Variants in CSNK1G1 observed in about 807,000 individuals in gnomAD.
CSNK1G1 encodes the protein casein kinase 1 gamma 1.
Under a neutral mutation model 59.6 loss-of-function variants are expected in CSNK1G1, and 22 were observed. The ratio of observed to expected loss-of-function variants is 0.37; its 90% CI spans 0.26 to 0.53. The LOEUF is 0.53. CSNK1G1 is among the 20% of genes least tolerant of loss of function. The pLI is 0.89. For synonymous variants in CSNK1G1, 179 were observed against 177.1 expected, an observed-to-expected ratio of 1.01 and a Z score of -0.08; for missense variants, 384 against 519.5, an observed-to-expected ratio of 0.74 and a Z score of 2.54.
At chr15:64,209,814 A>G (rs1193056999) in intron 6 of CSNK1G1, among the ~76,000 whole-genome samples, 1 of 152,162 alleles carries the variant, frequency 6.6e-6, no homozygotes, top group Admixed American at 6.6e-5. Context: ...ACACCTACTC[A>G]TTGCCTCTCC....
At chr15:64,197,544 C>G (rs1362642970) in intron 10 of CSNK1G1, among the ~76,000 whole-genome samples, 1 of 152,236 alleles carries the variant, frequency 6.6e-6, no homozygotes, top group African/African-American at 2.4e-5. Context: ...CTCCCTTAAT[C>G]CTGACATTCA....
At chr15:64,336,820 T>C (rs1246263454) in intron 1 of CSNK1G1, among the ~76,000 whole-genome samples, 1 of 152,158 alleles carries the variant, frequency 6.6e-6, no homozygotes, top group East Asian at 1.9e-4. Flanking sequence ...ACTAGTGAGA[T>C]TTACATTACA....
At chr15:64,261,040 A>G (rs1892661503) in intron 2 of CSNK1G1, among the ~76,000 whole-genome samples, 1 of 152,168 alleles carries the variant, frequency 6.6e-6, no homozygotes, top group Non-Finnish European at 1.5e-5. Context: ...TCATATATAT[A>G]GTGTTTGCAT....
chr15:64,190,127 T>G (rs1331032821), intron 10 of CSNK1G1, among the ~76,000 whole-genome samples: 1 of 151,934 alleles, frequency 6.6e-6, no homozygotes, highest in African/African-American at 2.4e-5. Flanking sequence ...GCCAATTTAC[T>G]CCTTTTTATT....
Position 64,169,435 on chromosome 15 carries a change from G to C in CSNK1G1, c.*2496C>G, listed in dbSNP as rs1567352073. The C allele has an allele frequency of 1.3e-5, 2 of 152,382 alleles. No homozygotes were observed. The highest frequency in any genetic ancestry group is 4.8e-5 in the African/African-American group (2 of 41,552). 9.4% of individuals were successfully genotyped at this position (152,382 alleles called of 1,614,324 possible). On this transcript the variant is annotated 3_prime_UTR_variant, in exon 12 of 12. Transcript: ENST00000303052. Reference sequence around the variant, plus strand: ...TTTTGTAGAGACGGGGTTTCACCATGTTGGCCAGGCTGGTCTCGAACTCTT... The same window carrying C: ...TTTTGTAGAGACGGGGTTTCACCATCTTGGCCAGGCTGGTCTCGAACTCTT...
chr15:64,226,307 C>T (rs1012104891), intron 4 of CSNK1G1, among the ~76,000 whole-genome samples: 2 of 152,138 alleles, frequency 1.3e-5, no homozygotes, highest in East Asian at 1.9e-4. Context: ...CGCCTGTAAT[C>T]CCAGCACTTT....
intron 2 of CSNK1G1, among the ~76,000 whole-genome samples, chr15:64,281,429 G>GCA (rs1894125998): frequency 3.9e-5 from 6 of 152,058 alleles, no homozygotes; most frequent in Admixed American, 3.9e-4. Flanking sequence ...AACATAGTGA[G>GCA]ACTCCATCTC....
At chr15:64,327,648 C>A (rs1259007170) in intron 1 of CSNK1G1, among the ~76,000 whole-genome samples, 1 of 151,794 alleles carries the variant, frequency 6.6e-6, no homozygotes, top group African/African-American at 2.4e-5. Flanking sequence ...CAGTTCCTCA[C>A]CAGCAACGGA....
chr15:64,180,272 G>A (rs2140209490), intron 11 of CSNK1G1, 76 bp downstream of exon 11: 1 of 1,049,860 alleles, frequency 9.5e-7, no homozygotes, highest in Non-Finnish European at 1.5e-6. Flanking sequence ...TCTGAGACGA[G>A]CAGCACACAG....
intron 2 of CSNK1G1, among the ~76,000 whole-genome samples, chr15:64,283,974 T>G (rs1480286834): frequency 6.6e-6 from 1 of 152,224 alleles, no homozygotes; most frequent in East Asian, 1.9e-4. Flanking sequence ...TTTTGACTCT[T>G]ACATTTAGTC....
chr15:64,312,957 A>G (rs1896074172), intron 1 of CSNK1G1, among the ~76,000 whole-genome samples: 1 of 152,242 alleles, frequency 6.6e-6, no homozygotes, highest in East Asian at 1.9e-4. Context: ...ATATAAACAG[A>G]CACTTCTCAA....
Position 64,171,052 on chromosome 15 carries a change from C to G in CSNK1G1, c.*879G>C, listed in dbSNP as rs1355815965. ...TTCCACTGAGAATGTCCTCTGGACC[C>G]ATGTTCTCTCTGAATGGCTTGGCCG... On this transcript the variant is annotated 3_prime_UTR_variant, in exon 12 of 12. Transcript: ENST00000303052. The surrounding 1 kb of genome is among the most constrained non-coding windows in gnomAD (Gnocchi z 4.8). 1 of 152,574 alleles carries G rather than the reference C, an allele frequency of 6.6e-6. No individual in the cohort carries two copies. Among genetic ancestry groups the G allele is most frequent in the Non-Finnish European group, 1.5e-5 (1 of 68,074 alleles). 9.5% of individuals were successfully genotyped at this position (152,574 alleles called of 1,614,324 possible). A position where few individuals can be genotyped will look rare whatever the true frequency, so the allele number is the denominator to read the frequency against.
chr15:64,325,611 T>A (rs1896796193), intron 1 of CSNK1G1, among the ~76,000 whole-genome samples: 1 of 152,164 alleles, frequency 6.6e-6, no homozygotes, highest in Admixed American at 6.5e-5. Context: ...GCTCCATAAT[T>A]ATAACTACCT....
chr15:64,250,535 G>A (rs896506423), intron 4 of CSNK1G1, among the ~76,000 whole-genome samples: 15 of 152,144 alleles, frequency 9.9e-5, no homozygotes, highest in Non-Finnish European at 1.9e-4. Context: ...CTTGAGCCCA[G>A]GAGTTCAAGA....
In CSNK1G1 at chr15:64,281,120, C is replaced by A. The variant is rs926342878; in HGVS notation, c.181+19199G>T. 4.6e-5 allele frequency among the ~76,000 whole-genome samples: 7 copies of A among 152,174 alleles called. No homozygotes were observed. In the East Asian group the frequency reaches 9.6e-4, roughly 21 times the overall value. ...GGTCTCGATCTCCTGACCTCATGAT[C>A]CGCCTGCCTCGGCGTCCCAAAGTGC... On this transcript the variant is annotated intron_variant, in intron 2 of 11. Coordinates refer to ENST00000303052, the MANE Select transcript of CSNK1G1 (RefSeq NM_022048.5).
In CSNK1G1 at chr15:64,300,612, C is replaced by T. The variant is rs1013003922; in HGVS notation, c.-113G>A. The T allele has an allele frequency of 3.0e-5, 42 of 1,417,202 alleles. No individual in the cohort carries two copies. Among genetic ancestry groups the T allele is most frequent in the Non-Finnish European group, 3.8e-5 (41 of 1,080,862 alleles). The allele number at this position is 1,417,202 out of a possible 1,614,324, so 87.8% of individuals were successfully genotyped here. On this transcript the variant is annotated 5_prime_UTR_variant, in exon 2 of 12. Transcript: ENST00000303052. ...TGTAGTCAGAGAAAGGTAAGGAGTT[C>T]TTTTAGCACCATATTTGTTTGTAAT...
At chr15:64,315,525 T>C (rs951563597) in intron 1 of CSNK1G1, among the ~76,000 whole-genome samples, 4 of 152,214 alleles carry the variant, frequency 2.6e-5, no homozygotes, top group African/African-American at 9.6e-5. Context: ...GGAGTCAAAC[T>C]GGAATTACTT....
chr15:64,241,773 T>C (rs1175945955), intron 4 of CSNK1G1, among the ~76,000 whole-genome samples: 3 of 144,422 alleles, frequency 2.1e-5, no homozygotes, highest in Non-Finnish European at 3.1e-5. Flanking sequence ...AGATTTCAAA[T>C]AAACAACCTA....
At chr15:64,184,963 G>C (rs1280019930) in intron 10 of CSNK1G1, among the ~76,000 whole-genome samples, 1 of 152,138 alleles carries the variant, frequency 6.6e-6, no homozygotes, top group African/African-American at 2.4e-5. Flanking sequence ...TTCAACTCAT[G>C]TGTCATTCTA....
Sources: allele counts gnomAD v4.1 joint callset (sites outside exome capture counted in the v4.1 genomes callset), GRCh38; gene constraint gnomAD v4.1.1; non-coding constraint Gnocchi (gnomAD v3.1); transcripts MANE v1.5; gene names NCBI Gene and HGNC (gene_info 2026-07-23, HGNC 2026-07-21).